The following HEATR1 variants were observed in gnomAD, a reference collection of about 807,000 sequenced individuals.
The protein encoded by HEATR1 is HEAT repeat containing 1.
HEATR1 carries 77 observed loss-of-function variants against 248.2 expected under a neutral mutation model. The observed-to-expected ratio is 0.31, with a 90% CI of 0.26 to 0.37. HEATR1 has a LOEUF of 0.37. HEATR1 is among the 10% of genes least tolerant of loss of function. The pLI, the probability that HEATR1 is intolerant of heterozygous loss-of-function variation, is 1.00. For synonymous variants in HEATR1, 897 were observed against 923.1 expected (o/e 0.97, Z 0.51); for missense variants, 2,420 against 2,504.9 (o/e 0.97, Z 0.72).
chr1:236,550,607 T>G lies in HEATR1; in HGVS notation c.*295A>C, dbSNP rs55755029. ...CTTTGGGTGCTAAAATTAACAAGTC[T>G]AATATTATTACCATCAATCAGGAAG... On this transcript the variant is annotated 3_prime_UTR_variant, in exon 45 of 45. Transcript: ENST00000366582. 1.5e-3 allele frequency: 485 copies of G among 314,176 alleles called. 1 individual carries two copies. The highest frequency in any genetic ancestry group is 2.5e-3 in the Non-Finnish European group (437 of 172,476). The allele number at this position is 314,176 out of a possible 1,614,324, so 19.5% of individuals were successfully genotyped here.
Position 236,604,047 on chromosome 1 carries a change from C to T in HEATR1, c.49G>A (p.Asp17Asn), listed in dbSNP as rs1160324871. 1.3e-6 allele frequency: 2 copies of T among 1,590,228 alleles called. No homozygotes were observed. The highest frequency in any genetic ancestry group is 3.7e-5 in the Admixed American group (2 of 54,162). Residue 17 changes from aspartate (D) to asparagine (N), a missense_variant, in exon 2 of 45, where the codon GAT (aspartate) becomes AAT (asparagine). Asp to Asn is a conservative substitution (Grantham distance 23). Transcript: ENST00000366582. ...QLQRLALPQS[D>N]ASLLSRDEVA... Reference sequence around the variant, plus strand: ...TCATCTCTAGATAAGAGGCTGGCATCACTTTGAGGGAGGGCGAGTCGTTGC... The same window carrying T: ...TCATCTCTAGATAAGAGGCTGGCATTACTTTGAGGGAGGGCGAGTCGTTGC...
intron 16 of HEATR1, 62 bp from the exon 17 acceptor site, chr1:236,585,278 A>T: frequency 1.4e-6 from 2 of 1,397,360 alleles, no homozygotes; most frequent in Admixed American, 2.1e-5. Flanking sequence ...AATTTTTTCA[A>T]CTCAGGTCTA....
intron 37 of HEATR1, among the ~76,000 whole-genome samples, chr1:236,556,885 A>C (rs1662993430): frequency 6.6e-6 from 1 of 152,186 alleles, no homozygotes; most frequent in African/African-American, 2.4e-5. Context: ...ACAAGTAATA[A>C]AAGGCGGCTC....
chr1:236,585,706 G>A (rs1334182419), intron 16 of HEATR1, 114 bp downstream of exon 16: 20 of 858,678 alleles, frequency 2.3e-5, no homozygotes, highest in Non-Finnish European at 3.4e-5. Flanking sequence ...GTAAAACCAA[G>A]TACTCAAGAA....
At position 236,556,174 on chromosome 1, in the gene HEATR1, C is replaced by T. The variant is rs761171133; in HGVS notation, c.5440G>A (p.Ala1814Thr). The change falls in exon 38 of 45, where the codon GCT (alanine) becomes ACT (threonine). Residue 1814 changes from alanine to threonine, a missense_variant. Coordinates refer to ENST00000366582, the MANE Select transcript of HEATR1 (RefSeq NM_018072.6). ...AGGACTCGGGGTGCAAGTGTGGTAG[C>T]CAGTGTCTTTTTAAGAGATGTGAGA... is the stretch of plus-strand genomic sequence containing the variant. The part of the protein sequence containing the change: ...IRLTSLKKTL[A>T]TTLAPRVLLP... 2.5e-6 allele frequency: 4 copies of T among 1,613,822 alleles called. No homozygotes were observed. In the African/African-American group the frequency reaches 4.0e-5, roughly 16 times the overall value.
intron 24 of HEATR1, 71 bp from the exon 25 acceptor site, chr1:236,572,899 C>T (rs899678096): frequency 4.5e-6 from 6 of 1,328,388 alleles, no homozygotes; most frequent in East Asian, 2.3e-5. Flanking sequence ...AAATGTTAAC[C>T]CCTAGGAAGG....
intron 31 of HEATR1, 52 bp downstream of exon 31, chr1:236,565,867 T>C (rs1235846276): frequency 1.9e-6 from 3 of 1,557,178 alleles, no homozygotes; most frequent in Non-Finnish European, 1.7e-6. Flanking sequence ...TTCTCTTCTG[T>C]TTCTCTTTAG....
At position 236,600,118 on chromosome 1, in the gene HEATR1, ATTTTTTTTTTTTTTTTTT is replaced by A. The variant is rs67344658; in HGVS notation, c.360-512_360-495del. Among the ~76,000 whole-genome samples the A allele has an allele frequency of 1.9e-3, 95 of 50,334 alleles. No homozygotes were observed. In the East Asian group the frequency reaches 0.057, roughly 30 times the overall value. The allele number at this position is 50,334 out of a possible 152,430, so 33.0% of individuals were successfully genotyped here. ...GTGTTGCCCAGGCTGGTCTGTCAAC[ATTTTTTTTTTTTTTTTTT>A]TTTTTTTTTTTGAGAGGGAGTCTTG... On this transcript the variant is annotated intron_variant, in intron 3 of 44. Coordinates refer to ENST00000366582, the MANE Select transcript of HEATR1 (RefSeq NM_018072.6).
intron 29 of HEATR1, among the ~76,000 whole-genome samples, chr1:236,567,819 T>C (rs970656829): frequency 6.6e-6 from 1 of 152,228 alleles, no homozygotes; most frequent in African/African-American, 2.4e-5. Flanking sequence ...CTGGGAAGGC[T>C]GCACAAATCA....
At chr1:236,572,964 C>A (rs1032995022) in intron 24 of HEATR1, 136 bp from the exon 25 acceptor site, 3 of 768,886 alleles carry the variant, frequency 3.9e-6, no homozygotes, top group Non-Finnish European at 6.4e-6. Flanking sequence ...TGAACCCCCC[C>A]CAGCATTGGA....
At chr1:236,571,245 T>C in intron 28 of HEATR1, 106 bp downstream of exon 28, 1 of 1,355,264 alleles carries the variant, frequency 7.4e-7, no homozygotes, top group Non-Finnish European at 9.9e-7. Flanking sequence ...TGCTGGAAGA[T>C]TCCAAAGCCT....
At chr1:236,588,555 T>C (rs764489318) in intron 12 of HEATR1, among the ~76,000 whole-genome samples, 1 of 152,202 alleles carries the variant, frequency 6.6e-6, no homozygotes, top group African/African-American at 2.4e-5. Flanking sequence ...GCTTTACACA[T>C]AGTACTGTTA....
Position 236,592,560 on chromosome 1 carries a change from C to T in HEATR1, c.1267G>A (p.Glu423Lys), listed in dbSNP as rs1176770420. 4.6e-6 allele frequency: 7 copies of T among 1,506,916 alleles called. No individual in the cohort carries two copies. Among genetic ancestry groups the T allele is most frequent in the Non-Finnish European group, 9.2e-7 (1 of 1,085,428 alleles). 93.3% of individuals were successfully genotyped at this position (1,506,916 alleles called of 1,614,324 possible). The change falls in exon 10 of 45, where the codon GAA (glutamate) becomes AAA (lysine). Residue 423 changes from glutamate to lysine, a missense_variant. Glu to Lys is a moderately conservative substitution (Grantham distance 56, BLOSUM62 1). Coordinates refer to ENST00000366582, the MANE Select transcript of HEATR1 (RefSeq NM_018072.6). ...AGCCTAATGAGTGGAAGAAATTGTT[C>T]ATTAAGCAAAGACACTTTATTAGAA... The part of the protein sequence containing the change: ...MDSNKVSLLN[E>K]QFLPLIRLLE...
At chr1:236,576,021 A>AG (rs1247383325) in intron 22 of HEATR1, among the ~76,000 whole-genome samples, 198 bp downstream of exon 22, 1 of 152,216 alleles carries the variant, frequency 6.6e-6, no homozygotes, top group East Asian at 1.9e-4. Flanking sequence ...AAATAAAAAG[A>AG]AACTCACCAG....
At chr1:236,584,711 T>C (rs1663839188) in intron 17 of HEATR1, among the ~76,000 whole-genome samples, 1 of 152,230 alleles carries the variant, frequency 6.6e-6, no homozygotes, top group African/African-American at 2.4e-5. Flanking sequence ...ACACACCAAG[T>C]GAATTCTTCA....
chr1:236,563,115 A>T (rs902778758), intron 32 of HEATR1, among the ~76,000 whole-genome samples: 2 of 152,180 alleles, frequency 1.3e-5, no homozygotes, highest in Admixed American at 6.5e-5. Context: ...TTTCCTGAAT[A>T]GAAACAATGA....
chr1:236,600,313 T>C (rs1664287657), intron 3 of HEATR1, among the ~76,000 whole-genome samples: 1 of 150,598 alleles, frequency 6.6e-6, no homozygotes, highest in Non-Finnish European at 1.5e-5. Context: ...TTTACTTTAG[T>C]AGAGATGGGG....
At chr1:236,584,286 C>T (rs1407808001) in intron 17 of HEATR1, among the ~76,000 whole-genome samples, 7 of 152,040 alleles carry the variant, frequency 4.6e-5, no homozygotes, top group Non-Finnish European at 8.8e-5. Flanking sequence ...CACCAAGAAA[C>T]TAAAAGTTAA....
At chr1:236,570,817 G>C (rs976123039) in intron 28 of HEATR1, among the ~76,000 whole-genome samples, 2 of 151,950 alleles carry the variant, frequency 1.3e-5, no homozygotes, top group Admixed American at 1.3e-4. Context: ...TAAAGCTCAT[G>C]GAGAACCCCA....
Sources: allele counts gnomAD v4.1 joint callset (sites outside exome capture counted in the v4.1 genomes callset), GRCh38; gene constraint gnomAD v4.1.1; transcripts MANE v1.5; gene names NCBI Gene and HGNC (gene_info 2026-07-23, HGNC 2026-07-21).